ALK: variants seen among roughly 807,000 people sequenced by gnomAD.
The protein encoded by ALK is ALK receptor tyrosine kinase, also known as ALK tyrosine kinase receptor.
In ALK, 74 loss-of-function variants were observed where a neutral mutation model predicts 163.1. That is an observed-to-expected ratio of 0.45 (90% CI 0.38 to 0.55). The LOEUF (loss-of-function observed/expected upper bound fraction) is 0.55. Among genes scored for constraint, ALK ranks in the 20% least tolerant of loss-of-function variants. The probability of loss-of-function intolerance (pLI) is 0.00; values close to 1 mark genes in which losing one functional copy is unlikely to be tolerated. For missense variants in ALK, 2,063 were observed against 2,105.3 expected, an observed-to-expected ratio of 0.98 and a Z score of 0.39; for synonymous variants, 960 against 843.2, an observed-to-expected ratio of 1.14 and a Z score of -2.40.
At chr2:29,650,796 AGTGT>A (rs998384624) in intron 3 of ALK, among the ~76,000 whole-genome samples, 2 of 152,110 alleles carry the variant, frequency 1.3e-5, no homozygotes, top group Admixed American at 1.3e-4. Context: ...GGCAAGTGAA[AGTGT>A]GTGCCCCCTC....
At chr2:29,421,057 C>A (rs546664816) in intron 4 of ALK, among the ~76,000 whole-genome samples, 2 of 151,492 alleles carry the variant, frequency 1.3e-5, no homozygotes, top group African/African-American at 4.9e-5. Context: ...CATCCCAGGG[C>A]AGCTGTGGCG....
chr2:29,519,573 G>A (rs148976882), intron 4 of ALK, among the ~76,000 whole-genome samples: 6 of 152,194 alleles, frequency 3.9e-5, no homozygotes, highest in Admixed American at 3.3e-4. Flanking sequence ...CAATGTACCT[G>A]CTGCCACCAC....
intron 4 of ALK, among the ~76,000 whole-genome samples, chr2:29,461,517 C>T (rs966419612): frequency 2.6e-5 from 4 of 152,056 alleles, no homozygotes; most frequent in South Asian, 2.1e-4. Context: ...AATTGTGGGG[C>T]CCTTAAGAAT....
intron 1 of ALK, among the ~76,000 whole-genome samples, chr2:29,838,733 A>C (rs1013389777): frequency 6.6e-6 from 1 of 152,182 alleles, no homozygotes; most frequent in African/African-American, 2.4e-5. Context: ...CCTGTGGGTG[A>C]AAAATGAATA....
At chr2:29,381,155 C>G (rs1481992314) in intron 5 of ALK, among the ~76,000 whole-genome samples, 1 of 152,214 alleles carries the variant, frequency 6.6e-6, no homozygotes, top group Non-Finnish European at 1.5e-5. Flanking sequence ...ACTGAATGAC[C>G]CTGGCAAGTT....
Position 29,380,815 on chromosome 2 carries a change from G to C in ALK, c.1282+2917C>G, listed in dbSNP as rs74384330. ...TAGCAAGAGGGAGATCCTCCTCCAT[G>C]ATCCAATTACCCACCAGCCCCCTCC... is the stretch of plus-strand genomic sequence containing the variant. On this transcript the variant is annotated intron_variant, in intron 5 of 28. Transcript: ENST00000389048. Among the ~76,000 whole-genome samples the C allele has an allele frequency of 9.9e-5, 15 of 152,232 alleles. No individual in the cohort carries two copies. In the East Asian group the frequency reaches 2.9e-3, roughly 29 times the overall value.
chr2:29,411,805 C>T (rs1669731129), intron 4 of ALK, among the ~76,000 whole-genome samples: 1 of 152,168 alleles, frequency 6.6e-6, no homozygotes, highest in Non-Finnish European at 1.5e-5. Flanking sequence ...TCATCCACAC[C>T]CACGTTAAAC....
chr2:29,440,232 T>TCAAAAA (rs1225018747), intron 4 of ALK, among the ~76,000 whole-genome samples: 3 of 150,714 alleles, frequency 2.0e-5, no homozygotes, highest in African/African-American at 4.9e-5. Context: ...AGACTCCATC[T>TCAAAAA]CAAAAACAAA....
intron 1 of ALK, among the ~76,000 whole-genome samples, chr2:29,823,956 C>A (rs1212282498): frequency 6.6e-6 from 1 of 152,204 alleles, no homozygotes; most frequent in Non-Finnish European, 1.5e-5. Context: ...CCCTCCTCCC[C>A]CCATCACAGG....
At chr2:29,423,485 A>T (rs1670066964) in intron 4 of ALK, among the ~76,000 whole-genome samples, 1 of 152,200 alleles carries the variant, frequency 6.6e-6, no homozygotes, top group African/African-American at 2.4e-5. Context: ...TGAATCACTA[A>T]TCAAGGAGGC....
intron 23 of ALK, among the ~76,000 whole-genome samples, chr2:29,217,049 G>A (rs533520983): frequency 6.8e-6 from 1 of 147,654 alleles, no homozygotes; most frequent in Non-Finnish European, 1.5e-5. Flanking sequence ...GCATGTGTGT[G>A]GTGTGTGTTG....
chr2:29,877,572 ATCAT>A (rs370483105), intron 1 of ALK, among the ~76,000 whole-genome samples: 5 of 152,120 alleles, frequency 3.3e-5, no homozygotes, highest in African/African-American at 1.2e-4. Flanking sequence ...GTATTAAGTA[ATCAT>A]TCATTCATTC....
intron 1 of ALK, among the ~76,000 whole-genome samples, chr2:29,895,425 A>C (rs1276671162): frequency 6.6e-6 from 1 of 152,210 alleles, no homozygotes; most frequent in Non-Finnish European, 1.5e-5. Context: ...AAAGTTTAAG[A>C]CTGAAAGGCT....
chr2:29,746,845 G>T (rs1680218105), intron 1 of ALK, among the ~76,000 whole-genome samples: 1 of 152,184 alleles, frequency 6.6e-6, no homozygotes, highest in Admixed American at 6.5e-5. Flanking sequence ...GAGAAAATTA[G>T]AAAGGCAAAT....
At chr2:29,295,819 A>T (rs982538091) in intron 9 of ALK, among the ~76,000 whole-genome samples, 1 of 152,232 alleles carries the variant, frequency 6.6e-6, no homozygotes, top group Non-Finnish European at 1.5e-5. Context: ...TCTCAGGCAG[A>T]GGCTGCTGTG....
chr2:29,200,669 C>T (rs556171828), intron 26 of ALK, among the ~76,000 whole-genome samples: 25 of 124,946 alleles, frequency 2.0e-4, no homozygotes, highest in African/African-American at 5.2e-4. Flanking sequence ...TAAACAGGAG[C>T]GACAAAAGCC....
intron 4 of ALK, among the ~76,000 whole-genome samples, chr2:29,424,589 G>T (rs1670092398): frequency 6.6e-6 from 1 of 152,224 alleles, no homozygotes; most frequent in Non-Finnish European, 1.5e-5. Flanking sequence ...AAATGCAAAA[G>T]GAGTGAGAGT....
At chr2:29,876,321 A>ATGGTGG (rs1265867908) in intron 1 of ALK, among the ~76,000 whole-genome samples, 6 of 148,834 alleles carry the variant, frequency 4.0e-5, no homozygotes, top group Admixed American at 3.3e-4. Context: ...GGTGATGGTG[A>ATGGTGG]TGGTGGTGGT....
chr2:29,799,823 G>A (rs1293467816), intron 1 of ALK, among the ~76,000 whole-genome samples: 2 of 152,142 alleles, frequency 1.3e-5, no homozygotes, highest in East Asian at 3.8e-4. Flanking sequence ...ATATTGTATT[G>A]TCATCAATAA....
Sources: allele counts gnomAD v4.1 joint callset (sites outside exome capture counted in the v4.1 genomes callset), GRCh38; gene constraint gnomAD v4.1.1; transcripts MANE v1.5; gene names NCBI Gene and HGNC (gene_info 2026-07-23, HGNC 2026-07-21).